Variants in ZBTB20 observed in about 807,000 individuals in gnomAD.
The protein encoded by ZBTB20 is zinc finger and BTB domain containing 20.
Under a neutral mutation model 56.9 loss-of-function variants are expected in ZBTB20, and 9 were observed. The observed-to-expected ratio is 0.16, with a 90% CI of 0.10 to 0.28. ZBTB20 has a LOEUF of 0.28. ZBTB20 is among the 10% of genes least tolerant of loss of function. ZBTB20 has a pLI of 1.00. For missense variants in ZBTB20, 655 were observed against 1,003.0 expected, an observed-to-expected ratio of 0.65 and a Z score of 4.69; for synonymous variants, 417 against 420.7, an observed-to-expected ratio of 0.99 and a Z score of 0.11.
intron 1 of ZBTB20, among the ~76,000 whole-genome samples, chr3:115,081,669 A>T (rs2082801994): frequency 6.6e-6 from 1 of 152,136 alleles, no homozygotes; most frequent in Non-Finnish European, 1.5e-5. Flanking sequence ...AGCTGGATTT[A>T]AGCCAGTCTA....
At chr3:114,997,850 T>G (rs981408053) in intron 2 of ZBTB20, among the ~76,000 whole-genome samples, 1 of 151,768 alleles carries the variant, frequency 6.6e-6, no homozygotes, top group African/African-American at 2.4e-5. Flanking sequence ...AGCATGTACT[T>G]AGATGGATGT....
intron 4 of ZBTB20, among the ~76,000 whole-genome samples, chr3:114,819,307 A>G (rs534734559): frequency 9.9e-5 from 15 of 152,090 alleles, no homozygotes; most frequent in African/African-American, 3.6e-4. Flanking sequence ...ATACAATTCC[A>G]ACAAATATTC....
intron 1 of ZBTB20, among the ~76,000 whole-genome samples, chr3:115,094,087 A>T (rs1272938239): frequency 6.6e-6 from 1 of 151,996 alleles, no homozygotes; most frequent in Non-Finnish European, 1.5e-5. Flanking sequence ...TTGTTTCTTA[A>T]TCATCTCTAG....
intron 1 of ZBTB20, among the ~76,000 whole-genome samples, chr3:115,130,266 A>C (rs973057019): frequency 6.6e-6 from 1 of 152,146 alleles, no homozygotes; most frequent in East Asian, 1.9e-4. Flanking sequence ...TGAAATCATT[A>C]TTGTACCTGT....
chr3:114,508,990 G>T (rs2044990311), intron 6 of ZBTB20, among the ~76,000 whole-genome samples: 1 of 152,144 alleles, frequency 6.6e-6, no homozygotes, highest in Non-Finnish European at 1.5e-5. Flanking sequence ...CTAGGATAAT[G>T]GTTGGTGCAT....
intron 7 of ZBTB20, among the ~76,000 whole-genome samples, chr3:114,396,187 T>C (rs10439990): frequency 0.42 from 64,301 of 152,016 alleles, 13,609 homozygotes; most frequent in African/African-American, 0.44. Context: ...ATGAGCATGA[T>C]TTATGACACA....
intron 2 of ZBTB20, among the ~76,000 whole-genome samples, chr3:115,058,357 C>T (rs2081890152): frequency 1.3e-5 from 2 of 152,112 alleles, no homozygotes; most frequent in African/African-American, 4.8e-5. Context: ...TGTCTTGATG[C>T]CATTTCCTTC....
At chr3:115,114,383 G>A (rs948794329) in intron 1 of ZBTB20, among the ~76,000 whole-genome samples, 5 of 151,956 alleles carry the variant, frequency 3.3e-5, no homozygotes, top group African/African-American at 1.2e-4. Flanking sequence ...GAGTATCAAT[G>A]GCTGTGCTTA....
chr3:114,975,786 T>C (rs1432959360), intron 2 of ZBTB20, among the ~76,000 whole-genome samples: 2 of 152,224 alleles, frequency 1.3e-5, no homozygotes, highest in South Asian at 4.1e-4. Flanking sequence ...AGAAAATTAA[T>C]TTGGTAACTA....
intron 6 of ZBTB20, among the ~76,000 whole-genome samples, chr3:114,615,319 G>C (rs775940155): frequency 7.9e-5 from 12 of 152,106 alleles, no homozygotes; most frequent in South Asian, 4.1e-4. Flanking sequence ...TATCAAAATA[G>C]AATGTCCCTG....
intron 6 of ZBTB20, among the ~76,000 whole-genome samples, chr3:114,566,781 T>A (rs1559969090): frequency 2.6e-5 from 4 of 152,204 alleles, no homozygotes; most frequent in Non-Finnish European, 4.4e-5. Context: ...GCAAAATGTA[T>A]CACTTTAATG....
intron 4 of ZBTB20, among the ~76,000 whole-genome samples, chr3:114,828,493 T>G (rs1249842407): frequency 6.6e-6 from 1 of 151,870 alleles, no homozygotes; most frequent in Non-Finnish European, 1.5e-5. Flanking sequence ...GAAATTGTTT[T>G]GTTATGTGAT....
At chr3:114,443,953 A>C (rs537696360) in intron 7 of ZBTB20, among the ~76,000 whole-genome samples, 1 of 152,350 alleles carries the variant, frequency 6.6e-6, no homozygotes, top group African/African-American at 2.4e-5. Flanking sequence ...TTGCATATAA[A>C]ATGAAATATG....
chr3:115,121,982 T>C (rs2084195003), intron 1 of ZBTB20, among the ~76,000 whole-genome samples: 1 of 152,072 alleles, frequency 6.6e-6, no homozygotes, highest in African/African-American at 2.4e-5. Context: ...AGTGGTCTTT[T>C]TTAAGTAATA....
chr3:114,566,300 C>T (rs1486502324), intron 6 of ZBTB20, among the ~76,000 whole-genome samples: 18 of 152,182 alleles, frequency 1.2e-4, no homozygotes, highest in Admixed American at 1.2e-3. Context: ...TGCCGAGTTT[C>T]CCTCACAGTG....
chr3:115,046,479 A>T (rs1230842449), intron 2 of ZBTB20, among the ~76,000 whole-genome samples: 1 of 152,180 alleles, frequency 6.6e-6, no homozygotes, highest in Non-Finnish European at 1.5e-5. Flanking sequence ...GTTGAGCCAT[A>T]TGTACCAAAA....
intron 3 of ZBTB20, among the ~76,000 whole-genome samples, chr3:114,932,753 T>C (rs781037781): frequency 7.2e-5 from 11 of 152,222 alleles, no homozygotes; most frequent in Non-Finnish European, 1.5e-4. Context: ...GGAAATAAGA[T>C]AGAATGTTTG....
At chr3:115,041,008 A>G (rs1028838229) in intron 2 of ZBTB20, among the ~76,000 whole-genome samples, 2 of 152,180 alleles carry the variant, frequency 1.3e-5, no homozygotes, top group Non-Finnish European at 2.9e-5. Context: ...ATTGGCATGA[A>G]GTAATAGACT....
At chr3:114,802,017 C>T (rs916866642) in intron 4 of ZBTB20, among the ~76,000 whole-genome samples, 5 of 151,544 alleles carry the variant, frequency 3.3e-5, no homozygotes, top group Admixed American at 6.6e-5. Flanking sequence ...CAAACAACAC[C>T]ATCTATAAAT....
Sources: allele counts gnomAD v4.1 joint callset (sites outside exome capture counted in the v4.1 genomes callset), GRCh38; gene constraint gnomAD v4.1.1; transcripts MANE v1.5; gene names NCBI Gene and HGNC (gene_info 2026-07-23, HGNC 2026-07-21).